Variants in PTPRD observed in about 807,000 individuals in gnomAD.
The protein encoded by PTPRD is receptor-type tyrosine-protein phosphatase delta.
A neutral mutation model predicts 214.5 loss-of-function variants in PTPRD; 34 were observed. That is an observed-to-expected ratio of 0.16 (90% confidence interval 0.12 to 0.21). The LOEUF (loss-of-function observed/expected upper bound fraction) is 0.21. Among genes scored for constraint, PTPRD ranks in the 10% least tolerant of loss-of-function variants. The probability of loss-of-function intolerance (pLI) is 1.00; values close to 1 mark genes in which losing one functional copy is unlikely to be tolerated. For synonymous variants in PTPRD, 1,128 were observed against 845.7 expected (o/e 1.33, Z -5.79); for missense variants, 2,545 against 2,398.7 (o/e 1.06, Z -1.27).
At chr9:10,457,218 G>T (rs1008701549) in intron 2 of PTPRD, among the ~76,000 whole-genome samples, 1 of 151,484 alleles carries the variant, frequency 6.6e-6, no homozygotes, top group Non-Finnish European at 1.5e-5. Context: ...TCATTTTAAG[G>T]GTTCAATTAA....
At chr9:9,482,404 T>A (rs2095453716) in intron 8 of PTPRD, among the ~76,000 whole-genome samples, 1 of 152,144 alleles carries the variant, frequency 6.6e-6, no homozygotes, top group African/African-American at 2.4e-5. Flanking sequence ...TTTAAAGCAG[T>A]TTTAGGTTCA....
intron 14 of PTPRD, among the ~76,000 whole-genome samples, chr9:8,587,694 A>C (rs1240309913): frequency 6.6e-6 from 1 of 152,228 alleles, no homozygotes; most frequent in African/African-American, 2.4e-5. Flanking sequence ...ATCTGACCTC[A>C]ACGGCCTTGG....
At chr9:8,992,052 C>T (rs565750184) in intron 11 of PTPRD, among the ~76,000 whole-genome samples, 25 of 152,176 alleles carry the variant, frequency 1.6e-4, no homozygotes, top group Non-Finnish European at 2.5e-4. Context: ...CCCAAATTAT[C>T]CTATATTCCA....
At chr9:8,903,472 C>T (rs1433713040) in intron 11 of PTPRD, among the ~76,000 whole-genome samples, 2 of 152,056 alleles carry the variant, frequency 1.3e-5, no homozygotes, top group Non-Finnish European at 2.9e-5. Flanking sequence ...TGTATGTCCT[C>T]CTGGAGGAGG....
chr9:9,962,896 TGAATGA>T (rs1188594068), intron 4 of PTPRD, among the ~76,000 whole-genome samples: 3 of 151,922 alleles, frequency 2.0e-5, no homozygotes, highest in Non-Finnish European at 4.4e-5. Context: ...ATAAAACAAC[TGAATGA>T]GAATGAATAA....
chr9:8,774,065 C>A (rs896219789), intron 11 of PTPRD, among the ~76,000 whole-genome samples: 1 of 152,162 alleles, frequency 6.6e-6, no homozygotes, highest in African/African-American at 2.4e-5. Context: ...TTACTTTGTA[C>A]CACAGCTATT....
intron 22 of PTPRD, among the ~76,000 whole-genome samples, chr9:8,506,654 A>G (rs1279098761): frequency 6.6e-6 from 1 of 151,060 alleles, no homozygotes; most frequent in African/African-American, 2.4e-5. Flanking sequence ...TAAAAATTAC[A>G]TGCATTATTG....
At chr9:8,555,399 C>A (rs1213384961) in intron 14 of PTPRD, among the ~76,000 whole-genome samples, 2 of 152,148 alleles carry the variant, frequency 1.3e-5, no homozygotes, top group Non-Finnish European at 1.5e-5. Flanking sequence ...AGAGAAAAAA[C>A]CAAAAAGACT....
chr9:9,619,236 G>GT (rs2095087492), intron 7 of PTPRD, among the ~76,000 whole-genome samples: 1 of 151,912 alleles, frequency 6.6e-6, no homozygotes, highest in African/African-American at 2.4e-5. Flanking sequence ...TTTTATGGTT[G>GT]TTTAAGATTA....
At chr9:10,384,633 T>A (rs1370893029) in intron 2 of PTPRD, among the ~76,000 whole-genome samples, 3 of 151,602 alleles carry the variant, frequency 2.0e-5, no homozygotes, top group South Asian at 2.1e-4. Flanking sequence ...CGGATTTTTT[T>A]AAAAAGTGGA....
At chr9:10,356,335 A>G (rs1334998817) in intron 2 of PTPRD, among the ~76,000 whole-genome samples, 1 of 152,146 alleles carries the variant, frequency 6.6e-6, no homozygotes, top group Non-Finnish European at 1.5e-5. Flanking sequence ...TTTACCATGA[A>G]GGGATACATA....
intron 26 of PTPRD, among the ~76,000 whole-genome samples, chr9:8,495,051 C>T (rs753213089): frequency 3.3e-5 from 5 of 152,056 alleles, no homozygotes; most frequent in Non-Finnish European, 7.4e-5. Context: ...AAAGAAACTG[C>T]ATTCATTTCT....
intron 4 of PTPRD, among the ~76,000 whole-genome samples, chr9:9,983,783 C>A (rs1347657534): frequency 6.6e-6 from 1 of 152,176 alleles, no homozygotes; most frequent in East Asian, 1.9e-4. Flanking sequence ...ATTTCAATTT[C>A]TTAATTGATG....
chr9:10,143,905 G>T (rs1355055233), intron 3 of PTPRD, among the ~76,000 whole-genome samples: 1 of 152,030 alleles, frequency 6.6e-6, no homozygotes, highest in African/African-American at 2.4e-5. Flanking sequence ...TGCAAGAGGG[G>T]AGAGGGAGGA....
At chr9:10,219,009 G>A (rs2099554054) in intron 3 of PTPRD, among the ~76,000 whole-genome samples, 1 of 151,658 alleles carries the variant, frequency 6.6e-6, no homozygotes, top group Non-Finnish European at 1.5e-5. Context: ...CTAACATTGA[G>A]CTAAAAACAA....
intron 4 of PTPRD, among the ~76,000 whole-genome samples, chr9:9,963,750 T>C (rs2094505101): frequency 6.6e-6 from 1 of 152,126 alleles, no homozygotes; most frequent in Non-Finnish European, 1.5e-5. Context: ...TTAGAGGTGA[T>C]ATATGAAGAG....
At chr9:8,636,966 G>GAGCT in intron 12 of PTPRD, 122 bp from the exon 13 acceptor site, 1 of 923,328 alleles carries the variant, frequency 1.1e-6, no homozygotes, top group African/African-American at 1.7e-5. Flanking sequence ...TTTTTACAAT[G>GAGCT]CACTATGGGA....
intron 5 of PTPRD, among the ~76,000 whole-genome samples, chr9:9,915,658 G>A (rs1028318821): frequency 6.6e-6 from 1 of 150,618 alleles, no homozygotes; most frequent in Non-Finnish European, 1.5e-5. Flanking sequence ...TTCTGACCTT[G>A]AAAACAGATC....
chr9:9,946,439 A>G (rs181769960), intron 4 of PTPRD, among the ~76,000 whole-genome samples: 1 of 152,180 alleles, frequency 6.6e-6, no homozygotes, highest in South Asian at 2.1e-4. Context: ...TAATTAAAAA[A>G]TAAACTCCCT....
Sources: gnomAD v4.1 joint callset for allele counts (sites outside exome capture counted in the v4.1 genomes callset) on GRCh38, gnomAD v4.1.1 for gene constraint, MANE v1.5 for transcripts, NCBI Gene and HGNC (gene_info 2026-07-23, HGNC 2026-07-21) for gene names.